The following SMPD4 variants were observed in gnomAD, a reference collection of about 807,000 sequenced individuals.
SMPD4 encodes the protein neutral sphingomyelinase 3.
Under a neutral mutation model 97.8 loss-of-function variants are expected in SMPD4, and 58 were observed. The observed-to-expected ratio is 0.59, with a 90% confidence interval of 0.48 to 0.74. The LOEUF is 0.74. SMPD4 is among the 30% of genes least tolerant of loss of function. The pLI is 0.00. For missense variants in SMPD4, 853 were observed against 1,080.5 expected, an observed-to-expected ratio of 0.79 and a Z score of 2.95; for synonymous variants, 388 against 450.0, an observed-to-expected ratio of 0.86 and a Z score of 1.74.
At chr2:130,161,091 C>T in intron 11 of SMPD4, 95 bp downstream of exon 11, 1 of 1,219,644 alleles carries the variant, frequency 8.2e-7, no homozygotes, top group Admixed American at 1.9e-5. Context: ...TGGAACTAGC[C>T]TCTGAGTCAC....
intron 18 of SMPD4, 60 bp from the exon 19 acceptor site, chr2:130,153,231 A>G: frequency 3.1e-6 from 5 of 1,613,016 alleles, no homozygotes. Flanking sequence ...AACTCAGAGG[A>G]GCCTGATGGC....
At chr2:130,155,510 T>TAG (rs1686690917) in intron 14 of SMPD4, among the ~76,000 whole-genome samples, 1 of 151,982 alleles carries the variant, frequency 6.6e-6, no homozygotes, top group African/African-American at 2.4e-5. Context: ...TCCAAGTGGA[T>TAG]GGAGGCCACC....
At chr2:130,154,821 C>T (rs1267934963) in intron 15 of SMPD4, 14 of 597,904 alleles carry the variant, frequency 2.3e-5, no homozygotes, top group Middle Eastern at 4.5e-4. Context: ...GGAGAAACAG[C>T]GGGGTCACGG....
intron 9 of SMPD4, 108 bp downstream of exon 9, chr2:130,167,350 A>C: frequency 6.7e-7 from 1 of 1,499,950 alleles, no homozygotes; most frequent in Non-Finnish European, 9.1e-7. Flanking sequence ...CAAACTCCTG[A>C]CCTCAGGTCA....
intron 15 of SMPD4, 155 bp downstream of exon 15, chr2:130,154,941 A>G (rs10928960): frequency 0.39 from 389,282 of 1,001,392 alleles, 77,653 homozygotes; most frequent in African/African-American, 0.59. Flanking sequence ...AGACCTCACC[A>G]CACAGACGTG....
At chr2:130,173,007 C>T (rs1251075630) in intron 5 of SMPD4, 112 bp from the exon 6 acceptor site, 2 of 1,419,722 alleles carry the variant, frequency 1.4e-6, no homozygotes, top group African/African-American at 2.9e-5. Context: ...AAGAGACCCA[C>T]ACACAGAACC....
Position 130,155,049 on chromosome 2 carries a change from T to C in SMPD4, c.1453+47A>G, listed in dbSNP as rs1686639979. The stretch of plus-strand genomic sequence containing the variant: ...CCCCCAGCTAAGGGCCTGGCCCTGG[T>C]CTGGCTGGGTTGACGTATACCGGGC... On this transcript the variant is annotated intron_variant, in intron 15 of 19. Coordinates refer to ENST00000680298, the MANE Select transcript of SMPD4 (RefSeq NM_017951.5). 4 of 1,606,534 alleles carry C rather than the reference T, an allele frequency of 2.5e-6. No homozygotes were observed. The African/African-American group carries it at 4.0e-5, about 16-fold the overall frequency.
chr2:130,155,386 G>A, intron 14 of SMPD4, 127 bp from the exon 15 acceptor site: 1 of 1,309,838 alleles, frequency 7.6e-7, no homozygotes, highest in South Asian at 1.4e-5. Context: ...AAGGTGACAA[G>A]CTGTCACAGA....
intron 11 of SMPD4, among the ~76,000 whole-genome samples, chr2:130,158,678 G>A (rs925388961): frequency 2.6e-5 from 4 of 152,176 alleles, no homozygotes; most frequent in African/African-American, 9.6e-5. Context: ...TGGTTGTTTA[G>A]CATTGGGAGG....
intron 8 of SMPD4, among the ~76,000 whole-genome samples, chr2:130,170,244 T>TA (rs1156738634): frequency 6.6e-6 from 1 of 151,574 alleles, no homozygotes; most frequent in Non-Finnish European, 1.5e-5. Flanking sequence ...CCCAGCACTT[T>TA]AGGGGGTCGA....
chr2:130,178,642 A>C (rs1425368834), intron 1 of SMPD4, among the ~76,000 whole-genome samples: 1 of 151,972 alleles, frequency 6.6e-6, no homozygotes, highest in Admixed American at 6.6e-5. Flanking sequence ...TAAAAATATA[A>C]AAATTAGCTG....
chr2:130,167,541 G>C lies in SMPD4; in HGVS notation c.709C>G (p.Leu237Val), dbSNP rs535721249. 3 of 1,613,890 alleles carry C rather than the reference G, an allele frequency of 1.9e-6. No individual in the cohort carries two copies. The highest frequency in any genetic ancestry group is 4.5e-5 in the East Asian group (2 of 44,868). The change falls in exon 9 of 20, where the codon CTA becomes GTA. Residue 237 changes from leucine (L) to valine (V), a missense_variant. Physicochemically the swap from Leu to Val is conservative, Grantham distance 32. Coordinates refer to ENST00000680298, the MANE Select transcript of SMPD4 (RefSeq NM_017951.5). ...GTCTGATGAGAGATGTGTCGCTTTA[G>C]GAGGCTAGTGTGGTGGAGGCCATAG... ...ASYGLHHTSL[L>V]KRHISHQTSV... is the part of the protein sequence containing the mutation.
At position 130,156,052 on chromosome 2, in the gene SMPD4, C is replaced by T. The variant is rs752592318; in HGVS notation, c.1272G>A (p.Arg424=). The T allele has an allele frequency of 1.2e-6, 2 of 1,611,486 alleles. No homozygotes were observed. Among genetic ancestry groups the T allele is most frequent in the South Asian group, 1.1e-5 (1 of 90,998 alleles). ...AGGCTCACCATTTCTCCGACACACACCGGGGCTGGGAGTCGCTGCCCGGAG... is the reference window on the plus strand; with the variant it reads ...AGGCTCACCATTTCTCCGACACACATCGGGGCTGGGAGTCGCTGCCCGGAG... ...KQAPGSDSQP[R]CVSEKWAPFV... is the part of the protein sequence containing the mutation. The change falls in exon 14 of 20, where the codon CGG becomes CGA. Residue 424 remains arginine (R), a synonymous_variant. Coordinates refer to ENST00000680298, the MANE Select transcript of SMPD4 (RefSeq NM_017951.5).
chr2:130,175,309 GC>G (rs1333290675), intron 2 of SMPD4, among the ~76,000 whole-genome samples: 2 of 152,144 alleles, frequency 1.3e-5, no homozygotes, highest in African/African-American at 4.8e-5. Flanking sequence ...CCCAGAGTCA[GC>G]CCCACAGCCA....
rs548892843 is a variant in SMPD4 at position 130,171,814 on chromosome 2, G to C, written c.659+535C>G. Among the ~76,000 whole-genome samples the C allele has an allele frequency of 3.3e-5, 5 of 152,312 alleles. No homozygotes were observed. The South Asian group carries it at 1.0e-3, about 32-fold the overall frequency. On this transcript the variant is annotated intron_variant, in intron 8 of 19. Transcript: ENST00000680298. ...CAGGCAGCTGCTGCTGGGGCAAGAG[G>C]GTCTCCTGGGAAGTCGGCCTGCGTT...
upstream of SMPD4, chr2:130,181,680 G>A: frequency 1.3e-6 from 2 of 1,548,530 alleles, no homozygotes; most frequent in East Asian, 2.4e-5. Context: ...CTCAAAAGGC[G>A]CGTGCGCAAA....
chr2:130,152,262 G>A lies in SMPD4; in HGVS notation c.*293C>T. On this transcript the variant is annotated 3_prime_UTR_variant, in exon 20 of 20. Coordinates refer to ENST00000680298, the MANE Select transcript of SMPD4 (RefSeq NM_017951.5). ...AAATGGGCAGTGGAAAAAAGGCCCC[G>A]AGAGCTGGCTTGGCCGTGAGTCCTT... The A allele has an allele frequency of 3.0e-6, 1 of 334,008 alleles. No homozygotes were observed. 20.7% of individuals were successfully genotyped at this position (334,008 alleles called of 1,614,324 possible).
intron 11 of SMPD4, 150 bp from the exon 12 acceptor site, chr2:130,157,546 G>A: frequency 1.4e-6 from 2 of 1,430,772 alleles, no homozygotes; most frequent in Non-Finnish European, 1.9e-6. Context: ...CCACCCCATG[G>A]GGCACCACTG....
chr2:130,173,177 C>T, intron 5 of SMPD4, 102 bp downstream of exon 5: 1 of 1,193,616 alleles, frequency 8.4e-7, no homozygotes, highest in Middle Eastern at 2.0e-4. Context: ...ACGAATCGCT[C>T]CTCAATTTGC....
Sources: allele counts gnomAD v4.1 joint callset (sites outside exome capture counted in the v4.1 genomes callset), GRCh38; gene constraint gnomAD v4.1.1; transcripts MANE v1.5; gene names NCBI Gene and HGNC (gene_info 2026-07-23, HGNC 2026-07-21).